Variants in MTUS1 observed in about 807,000 individuals in gnomAD.
MTUS1 encodes microtubule-associated tumor suppressor 1.
Under a neutral mutation model 120.8 loss-of-function variants are expected in MTUS1, and 109 were observed. The observed-to-expected ratio is 0.90, with a 90% confidence interval of 0.77 to 1.06. The LOEUF is 1.06. Among genes scored for constraint, MTUS1 ranks in the 50% least tolerant of loss-of-function variants. The probability of loss-of-function intolerance (pLI) is 0.00; values close to 1 mark genes in which losing one functional copy is unlikely to be tolerated. For missense variants in MTUS1, 2,210 were observed against 1,486.3 expected, an observed-to-expected ratio of 1.49 and a Z score of -8.01; for synonymous variants, 737 against 550.5, an observed-to-expected ratio of 1.34 and a Z score of -4.74.
rs1270175764 is a variant in MTUS1 at position 17,755,774 on chromosome 8, C to G, written c.34G>C (p.Asp12His). The G allele has an allele frequency of 6.2e-7, 1 of 1,613,646 alleles. No homozygotes were observed. Among genetic ancestry groups the G allele is most frequent in the Non-Finnish European group, 8.5e-7 (1 of 1,179,846 alleles). Reference sequence around the variant, plus strand: ...CTGGTAAAGAAGGTTTGCAATTCATCTTCTATTTTATCATCTGAATTATCA... The same window carrying G: ...CTGGTAAAGAAGGTTTGCAATTCATGTTCTATTTTATCATCTGAATTATCA... ...TDDNSDDKIE[D>H]ELQTFFTSDK... The change falls in exon 2 of 15, where the codon GAT becomes CAT. Residue 12 changes from aspartate (D) to histidine (H), a missense_variant. Asp to His is a moderately conservative substitution (Grantham distance 81). Transcript: ENST00000693296.
intron 8 of MTUS1, among the ~76,000 whole-genome samples, chr8:17,658,437 C>T (rs993073365): frequency 7.2e-5 from 11 of 152,166 alleles, no homozygotes; most frequent in African/African-American, 2.7e-4. Context: ...TATGTACACA[C>T]ACTACAATAA....
At chr8:17,745,993 C>A (rs942780687) in intron 2 of MTUS1, among the ~76,000 whole-genome samples, 4 of 152,144 alleles carry the variant, frequency 2.6e-5, no homozygotes, top group Non-Finnish European at 4.4e-5. Context: ...TGTCACCTGC[C>A]CCCTCACTCT....
At chr8:17,771,113 T>A (rs1486226269) in intron 1 of MTUS1, among the ~76,000 whole-genome samples, 1 of 152,220 alleles carries the variant, frequency 6.6e-6, no homozygotes, top group African/African-American at 2.4e-5. Context: ...ACTAATTACC[T>A]ATACCAATAA....
intron 4 of MTUS1, among the ~76,000 whole-genome samples, chr8:17,716,161 T>G (rs1300070245): frequency 6.6e-6 from 1 of 152,184 alleles, no homozygotes; most frequent in Non-Finnish European, 1.5e-5. Context: ...CAGTTCAGCT[T>G]TCATCCCAGA....
At chr8:17,686,498 T>C (rs1482625928) in intron 6 of MTUS1, among the ~76,000 whole-genome samples, 2 of 152,218 alleles carry the variant, frequency 1.3e-5, no homozygotes, top group Non-Finnish European at 2.9e-5. Context: ...TTCATTCTCC[T>C]GATATCATTT....
At chr8:17,744,303 A>G (rs117633627) in intron 2 of MTUS1, among the ~76,000 whole-genome samples, 3,652 of 152,200 alleles carry the variant, frequency 0.024, 52 homozygotes, top group African/African-American at 0.041. Context: ...GCCATCTATT[A>G]CCTCTAAAGG....
chr8:17,790,611 G>C (rs980822150), intron 1 of MTUS1, among the ~76,000 whole-genome samples: 3 of 151,992 alleles, frequency 2.0e-5, no homozygotes, highest in Non-Finnish European at 4.4e-5. Flanking sequence ...TTTAACATTC[G>C]GCTTTACGTT....
chr8:17,662,704 T>G (rs998923136), intron 8 of MTUS1, among the ~76,000 whole-genome samples: 4 of 151,996 alleles, frequency 2.6e-5, no homozygotes, highest in Non-Finnish European at 5.9e-5. Context: ...AGCACATATA[T>G]GATTAGGAAC....
intron 8 of MTUS1, among the ~76,000 whole-genome samples, chr8:17,656,665 AGAAAAGAGCCTT>A (rs1808317442): frequency 6.6e-6 from 1 of 151,778 alleles, no homozygotes; most frequent in Non-Finnish European, 1.5e-5. Flanking sequence ...GCAGTGGTCA[AGAAAAGAGCCTT>A]GGCCAGGCAG....
intron 12 of MTUS1, chr8:17,651,486 TAA>T (rs1806978386): frequency 6.6e-6 from 1 of 152,068 alleles, no homozygotes; most frequent in African/African-American, 2.4e-5. Flanking sequence ...TATCAATTTT[TAA>T]ATTTCATACA....
At chr8:17,667,386 G>C (rs1329250741) in intron 8 of MTUS1, among the ~76,000 whole-genome samples, 1 of 152,146 alleles carries the variant, frequency 6.6e-6, no homozygotes, top group Non-Finnish European at 1.5e-5. Flanking sequence ...TACCTGTAAA[G>C]AGTTTAAAAA....
chr8:17,662,349 ATTTTTTTTTT>A (rs35308070), intron 8 of MTUS1, among the ~76,000 whole-genome samples: 23 of 112,690 alleles, frequency 2.0e-4, no homozygotes, highest in African/African-American at 7.3e-4. Context: ...TTTTGTCCCT[ATTTTTTTTTT>A]TTTTTTTTTT....
intron 8 of MTUS1, among the ~76,000 whole-genome samples, chr8:17,660,267 GGAGGCT>G (rs1762462012): frequency 6.6e-6 from 1 of 152,136 alleles, no homozygotes; most frequent in Non-Finnish European, 1.5e-5. Context: ...CAGCTACTCG[GGAGGCT>G]GAGGCAGGAG....
chr8:17,746,376 G>GC (rs1409639537), intron 2 of MTUS1, among the ~76,000 whole-genome samples: 1 of 152,022 alleles, frequency 6.6e-6, no homozygotes, highest in African/African-American at 2.4e-5. Context: ...TTTTCACAAC[G>GC]CTGATAAAGT....
At chr8:17,675,137 T>C in intron 8 of MTUS1, 49 bp downstream of exon 8, 2 of 1,609,154 alleles carry the variant, frequency 1.2e-6, no homozygotes, top group South Asian at 1.1e-5. Flanking sequence ...CATTTTCCAG[T>C]GTTCCCCTTG....
At chr8:17,677,575 G>A (rs138127902) in intron 7 of MTUS1, among the ~76,000 whole-genome samples, 2 of 152,264 alleles carry the variant, frequency 1.3e-5, no homozygotes, top group African/African-American at 4.8e-5. Context: ...TACACCAGGT[G>A]ATATTTTTGC....
chr8:17,719,959 C>A (rs964353505), intron 4 of MTUS1, among the ~76,000 whole-genome samples: 2 of 152,108 alleles, frequency 1.3e-5, no homozygotes, highest in Admixed American at 6.5e-5. Context: ...TGAAGATGAC[C>A]CAGTCCTCCC....
chr8:17,649,911 C>A lies in MTUS1; in HGVS notation c.3436G>T (p.Val1146Leu). 2 of 1,612,710 alleles carry A rather than the reference C, an allele frequency of 1.2e-6. No homozygotes were observed. Among genetic ancestry groups the A allele is most frequent in the Non-Finnish European group, 1.7e-6 (2 of 1,178,934 alleles). Reference protein sequence around the residue: ...LEQELESLKAVLEIKNEKLHQ... With the variant: ...LEQELESLKALLEIKNEKLHQ... Reference sequence around the variant, plus strand: ...AGTTTCTCATTCTTGATCTCTAACACAGCTTTCAGGCTTTCTAACTCCTGT... The same window carrying A: ...AGTTTCTCATTCTTGATCTCTAACAAAGCTTTCAGGCTTTCTAACTCCTGT... Residue 1146 changes from valine (V) to leucine (L), a missense_variant, in exon 13 of 15, where the codon GTG becomes TTG. By Grantham distance (32) the Val-to-Leu change is conservative. Coordinates refer to ENST00000693296, the MANE Select transcript of MTUS1 (RefSeq NM_001363059.2).
chr8:17,793,413 A>G (rs2051961769), intron 1 of MTUS1, among the ~76,000 whole-genome samples: 1 of 152,170 alleles, frequency 6.6e-6, no homozygotes, highest in Non-Finnish European at 1.5e-5. Context: ...GGCAAGGAGC[A>G]AGGCACAGAA....
Sources: allele counts gnomAD v4.1 joint callset (sites outside exome capture counted in the v4.1 genomes callset), GRCh38; gene constraint gnomAD v4.1.1; transcripts MANE v1.5; gene names NCBI Gene and HGNC (gene_info 2026-07-23, HGNC 2026-07-21).